Variants in ST8SIA4 observed in about 807,000 individuals in gnomAD.
The protein encoded by ST8SIA4 is ST8 alpha-N-acetyl-neuraminide alpha-2,8-sialyltransferase 4.
In ST8SIA4, 15 loss-of-function variants were observed where a neutral mutation model predicts 33.9. That is an observed-to-expected ratio of 0.44 (90% CI 0.30 to 0.68). The LOEUF (loss-of-function observed/expected upper bound fraction) is 0.68, where lower values mean the gene tolerates loss of function less well. ST8SIA4 is among the 30% of genes least tolerant of loss of function. ST8SIA4 has a pLI of 0.10. For synonymous variants in ST8SIA4, 171 were observed against 151.2 expected, an observed-to-expected ratio of 1.13 and a Z score of -0.96; for missense variants, 321 against 428.0, an observed-to-expected ratio of 0.75 and a Z score of 2.21.
intron 4 of ST8SIA4, among the ~76,000 whole-genome samples, chr5:100,815,305 G>A (rs1036078974): frequency 6.6e-6 from 1 of 151,734 alleles, no homozygotes; most frequent in Non-Finnish European, 1.5e-5. Flanking sequence ...TTGCTTCTCT[G>A]GCTGATTTGG....
intron 4 of ST8SIA4, among the ~76,000 whole-genome samples, chr5:100,834,044 A>G (rs984793039): frequency 6.6e-6 from 1 of 152,210 alleles, no homozygotes; most frequent in East Asian, 1.9e-4. Context: ...TGAAGAGATT[A>G]GGATATCATC....
chr5:100,889,342 A>T (rs537979268), intron 2 of ST8SIA4, among the ~76,000 whole-genome samples: 1 of 152,078 alleles, frequency 6.6e-6, no homozygotes, highest in East Asian at 1.9e-4. Context: ...TCATCAGGCT[A>T]GATGGTGTTA....
chr5:100,816,519 A>G (rs1334380138), intron 4 of ST8SIA4: 6 of 526,812 alleles, frequency 1.1e-5, no homozygotes, highest in Admixed American at 2.0e-5. Flanking sequence ...AGTTTTTGCT[A>G]TTGAAAGTAA....
intron 3 of ST8SIA4, among the ~76,000 whole-genome samples, chr5:100,872,441 T>C (rs921240038): frequency 2.0e-5 from 3 of 152,108 alleles, no homozygotes; most frequent in African/African-American, 7.2e-5. Flanking sequence ...TTATCCTTTT[T>C]GTCTGATAGG....
At chr5:100,829,225 A>C (rs941820966) in intron 4 of ST8SIA4, among the ~76,000 whole-genome samples, 1 of 152,186 alleles carries the variant, frequency 6.6e-6, no homozygotes, top group African/African-American at 2.4e-5. Context: ...GGTGTGAGCT[A>C]TGCAGTCTTC....
At chr5:100,833,239 G>A (rs1425877979) in intron 4 of ST8SIA4, among the ~76,000 whole-genome samples, 1 of 152,054 alleles carries the variant, frequency 6.6e-6, no homozygotes, top group Non-Finnish European at 1.5e-5. Flanking sequence ...TGCATGTAGA[G>A]GAAGACAATA....
chr5:100,842,292 A>G (rs1049753512), intron 4 of ST8SIA4, among the ~76,000 whole-genome samples: 8 of 151,884 alleles, frequency 5.3e-5, no homozygotes, highest in Non-Finnish European at 8.8e-5. Context: ...GAAAACAGAA[A>G]GAGGAAATAA....
At chr5:100,831,993 A>G (rs1466650239) in intron 4 of ST8SIA4, among the ~76,000 whole-genome samples, 9 of 152,102 alleles carry the variant, frequency 5.9e-5, no homozygotes, top group Admixed American at 5.9e-4. Flanking sequence ...TATTGGTTCT[A>G]GGAAATATTT....
At chr5:100,860,603 A>G (rs1305595101) in intron 3 of ST8SIA4, among the ~76,000 whole-genome samples, 1 of 152,180 alleles carries the variant, frequency 6.6e-6, no homozygotes, top group Admixed American at 6.5e-5. Context: ...GCTTTGAGGT[A>G]AAAAGTAGTA....
At chr5:100,850,912 T>C (rs1462450378) in intron 4 of ST8SIA4, among the ~76,000 whole-genome samples, 2 of 151,306 alleles carry the variant, frequency 1.3e-5, no homozygotes, top group South Asian at 2.1e-4. Flanking sequence ...ATAAGACTAG[T>C]TTATATATAA....
intron 4 of ST8SIA4, among the ~76,000 whole-genome samples, chr5:100,846,234 C>T (rs1395049327): frequency 1.3e-5 from 2 of 151,822 alleles, no homozygotes; most frequent in Non-Finnish European, 2.9e-5. Context: ...TGAAAAAAAC[C>T]TCTTCCTCAA....
intron 4 of ST8SIA4, among the ~76,000 whole-genome samples, chr5:100,821,203 G>T (rs1751025204): frequency 6.6e-6 from 1 of 151,958 alleles, no homozygotes; most frequent in South Asian, 2.1e-4. Flanking sequence ...AAAGGAAACA[G>T]TGCAATCATT....
intron 4 of ST8SIA4, among the ~76,000 whole-genome samples, chr5:100,850,954 CTTTTTTTTTTTTTTTT>C (rs70987828): frequency 1.3e-5 from 1 of 75,114 alleles, no homozygotes; most frequent in Non-Finnish European, 2.5e-5. Context: ...TGTAACCATA[CTTTTTTTTTTTTTTTT>C]TTTTTTTGAG....
rs188217042 is a variant in ST8SIA4 at position 100,819,498 on chromosome 5, A to G, written c.798-7369T>C. ...CACTCAAAAAAAGGTAAATATTACC[A>G]TCATGGCTGATTTCAAGCTACCAAC... On this transcript the variant is annotated intron_variant, in intron 4 of 4. Coordinates refer to ENST00000231461, the MANE Select transcript of ST8SIA4 (RefSeq NM_005668.6). 2.2e-3 allele frequency among the ~76,000 whole-genome samples: 341 copies of G among 152,348 alleles called. 2 individuals carry two copies. The highest frequency in any genetic ancestry group is 8.0e-3 in the African/African-American group (331 of 41,590).
chr5:100,866,578 TCACACACACA>T (rs141002831), intron 3 of ST8SIA4, among the ~76,000 whole-genome samples: 67 of 146,496 alleles, frequency 4.6e-4, no homozygotes, highest in Admixed American at 1.3e-3. Context: ...CTTCTAAATT[TCACACACACA>T]CACACACACA....
At chr5:100,822,999 C>T (rs1184809869) in intron 4 of ST8SIA4, among the ~76,000 whole-genome samples, 3 of 151,884 alleles carry the variant, frequency 2.0e-5, no homozygotes, top group Admixed American at 1.3e-4. Context: ...GGCGTGGTGG[C>T]GGGCGCCTGT....
At position 100,895,647 on chromosome 5, in the gene ST8SIA4, A is replaced by C. The variant is rs1237288411; in HGVS notation, c.245+7T>G. On this transcript the variant is annotated splice_region_variant and intron_variant, in intron 2 of 4. Coordinates refer to ENST00000231461, the MANE Select transcript of ST8SIA4 (RefSeq NM_005668.6). ...GAAATTTATTATGCCTTAGTAAAGA[A>C]ACTCACCTTATCTCTAGGACCAAAG... 3.1e-6 allele frequency: 5 copies of C among 1,605,278 alleles called. No individual in the cohort carries two copies. Among genetic ancestry groups the C allele is most frequent in the Non-Finnish European group, 4.3e-6 (5 of 1,176,188 alleles).
chr5:100,808,943 A>G lies in ST8SIA4; in HGVS notation c.*2904T>C, dbSNP rs1462468553. The G allele has an allele frequency of 6.6e-6, 1 of 152,644 alleles. No individual in the cohort carries two copies. Among genetic ancestry groups the G allele is most frequent in the East Asian group, 1.9e-4 (1 of 5,198 alleles). The allele number at this position is 152,644 out of a possible 1,614,324, so 9.5% of individuals were successfully genotyped here. A position where few individuals can be genotyped will look rare whatever the true frequency, so the allele number is the denominator to read the frequency against. ...CCTGAGATGAACAAAAGCAATCTCA[A>G]TCGACACTGAAGCCCTTTTTTTCAT... is the stretch of plus-strand genomic sequence containing the variant. On this transcript the variant is annotated 3_prime_UTR_variant, in exon 5 of 5. Coordinates refer to ENST00000231461, the MANE Select transcript of ST8SIA4 (RefSeq NM_005668.6).
At position 100,811,587 on chromosome 5, in the gene ST8SIA4, G is replaced by C. The variant is rs971903304; in HGVS notation, c.*260C>G. The stretch of plus-strand genomic sequence containing the variant: ...AATGATGAGTGCACTGTTGGATCTT[G>C]TAAACACTACTGATTATACATTCAA... On this transcript the variant is annotated 3_prime_UTR_variant, in exon 5 of 5. Coordinates refer to ENST00000231461, the MANE Select transcript of ST8SIA4 (RefSeq NM_005668.6). The C allele has an allele frequency of 5.7e-5, 22 of 386,270 alleles. No homozygotes were observed. Among genetic ancestry groups the C allele is most frequent in the Non-Finnish European group, 8.1e-5 (17 of 210,216 alleles). The allele number at this position is 386,270 out of a possible 1,614,324, so 23.9% of individuals were successfully genotyped here.
Sources: allele counts gnomAD v4.1 joint callset (sites outside exome capture counted in the v4.1 genomes callset), GRCh38; gene constraint gnomAD v4.1.1; transcripts MANE v1.5; gene names NCBI Gene and HGNC (gene_info 2026-07-23, HGNC 2026-07-21).